Variants in ENPP2 observed in about 807,000 individuals in gnomAD.
ENPP2 encodes ectonucleotide pyrophosphatase/phosphodiesterase 2.
A neutral mutation model predicts 120.2 loss-of-function variants in ENPP2; 51 were observed. The observed-to-expected ratio is 0.42, with a 90% CI of 0.34 to 0.54. ENPP2 has a LOEUF of 0.54. Among genes scored for constraint, ENPP2 ranks in the 20% least tolerant of loss-of-function variants. The pLI is 0.04. For missense variants in ENPP2, 920 were observed against 1,066.5 expected, an observed-to-expected ratio of 0.86 and a Z score of 1.91; for synonymous variants, 365 against 366.4, an observed-to-expected ratio of 1.00 and a Z score of 0.04.
intron 1 of ENPP2, among the ~76,000 whole-genome samples, chr8:119,654,535 G>A (rs927407002): frequency 1.0e-4 from 15 of 149,088 alleles, no homozygotes; most frequent in African/African-American, 3.4e-4. Flanking sequence ...GTGAGAGAGA[G>A]GGTCTTGCTA....
Position 119,597,111 on chromosome 8 carries a change from C to G in ENPP2, c.973-3251G>C, listed in dbSNP as rs145889334. Among the ~76,000 whole-genome samples, 4 of 152,236 alleles carry G rather than the reference C, an allele frequency of 2.6e-5. No individual in the cohort carries two copies. In the East Asian group the frequency reaches 7.7e-4, roughly 29 times the overall value. On this transcript the variant is annotated intron_variant, in intron 11 of 24. Coordinates refer to ENST00000075322, the MANE Select transcript of ENPP2 (RefSeq NM_001040092.3). ...CCATGCGATTTCACTGTTTCCAGGG[C>G]AAGCCATGGCAAAGGCACTTCTGTT...
In ENPP2 at chr8:119,582,620, A is replaced by G; in HGVS notation, c.1544-18T>C. On this transcript the variant is annotated intron_variant, in intron 17 of 24. Coordinates refer to ENST00000075322, the MANE Select transcript of ENPP2 (RefSeq NM_001040092.3). ...CAGGAGATCTAATGAAAATTAAGAA[A>G]AGGAGGCAGGTGCTTCTTATATTTT... 1 of 1,574,034 alleles carries G rather than the reference A, an allele frequency of 6.4e-7. No individual in the cohort carries two copies. The highest frequency in any genetic ancestry group is 1.1e-5 in the South Asian group (1 of 89,642).
At chr8:119,634,944 A>T (rs1816908789) in intron 2 of ENPP2, among the ~76,000 whole-genome samples, 1 of 152,168 alleles carries the variant, frequency 6.6e-6, no homozygotes. Flanking sequence ...TCCAGTTCAG[A>T]TAATTTCATT....
At chr8:119,634,185 AAAAT>A (rs747645273) in intron 2 of ENPP2, among the ~76,000 whole-genome samples, 3 of 130,508 alleles carry the variant, frequency 2.3e-5, no homozygotes, top group African/African-American at 8.5e-5. Context: ...TCTCTCTCAA[AAAAT>A]AAATACATAC....
chr8:119,569,431 A>G, intron 20 of ENPP2, 61 bp from the exon 21 acceptor site: 1 of 1,549,778 alleles, frequency 6.5e-7, no homozygotes, highest in African/African-American at 1.4e-5. Flanking sequence ...GCTGAAATCA[A>G]AACCCCTCTG....
In ENPP2 at chr8:119,617,556, G is replaced by C. The variant is rs767465276; in HGVS notation, c.487C>G (p.Arg163Gly). The stretch of plus-strand genomic sequence containing the variant: ...ACGGAGAAGATGATTAATGGAGGGC[G>C]AACAAACCTTAAACAGTAACACATT... ...KAAECPAGFV[R>G]PPLIIFSVDG... is the part of the protein sequence containing the mutation. The change falls in exon 6 of 25, where the codon CGC becomes GGC. Residue 163 changes from arginine to glycine, a missense_variant. Physicochemically the swap from Arg to Gly is moderately radical, Grantham distance 125. Coordinates refer to ENST00000075322, the MANE Select transcript of ENPP2 (RefSeq NM_001040092.3). The C allele has an allele frequency of 6.2e-7, 1 of 1,610,058 alleles. No individual in the cohort carries two copies. Among genetic ancestry groups the C allele is most frequent in the Non-Finnish European group, 8.5e-7 (1 of 1,176,714 alleles).
In ENPP2 at chr8:119,570,800, T is replaced by C. The variant is rs1406380029; in HGVS notation, c.1822A>G (p.Thr608Ala). The change falls in exon 20 of 25, where the codon ACT becomes GCT. Residue 608 changes from threonine to alanine, a missense_variant. Physicochemically the swap from Thr to Ala is moderately conservative, Grantham distance 58. Transcript: ENST00000075322. The part of the protein sequence containing the change: ...LYGRPAVLYR[T>A]RYDILYHTDF... ...GTGTGATATAAGATATCATATCTAGTCCGATAAAGCACTGCAGGTCGCCCA... is the reference window on the plus strand; with the variant it reads ...GTGTGATATAAGATATCATATCTAGCCCGATAAAGCACTGCAGGTCGCCCA... The C allele has an allele frequency of 5.0e-6, 8 of 1,587,192 alleles. No homozygotes were observed. Among genetic ancestry groups the C allele is most frequent in the African/African-American group, 1.4e-5 (1 of 73,636 alleles).
chr8:119,638,277 C>T, intron 2 of ENPP2, 148 bp downstream of exon 2: 1 of 574,508 alleles, frequency 1.7e-6, no homozygotes, highest in South Asian at 2.5e-5. Context: ...GAATTATACA[C>T]ATAGGTGGTT....
chr8:119,589,532 G>T (rs1456091019), intron 13 of ENPP2, among the ~76,000 whole-genome samples: 1 of 152,008 alleles, frequency 6.6e-6, no homozygotes, highest in African/African-American at 2.4e-5. Flanking sequence ...CTAAAATCGA[G>T]GGGTGCCATA....
At chr8:119,653,465 A>G (rs1817680950) in intron 1 of ENPP2, among the ~76,000 whole-genome samples, 1 of 152,212 alleles carries the variant, frequency 6.6e-6, no homozygotes, top group African/African-American at 2.4e-5. Flanking sequence ...CAAAGGGATG[A>G]CATATGAACA....
intron 1 of ENPP2, among the ~76,000 whole-genome samples, chr8:119,658,958 G>T (rs1387084803): frequency 6.6e-6 from 1 of 152,182 alleles, no homozygotes; most frequent in African/African-American, 2.4e-5. Context: ...TTTATTCTCT[G>T]TCAGTGGCAG....
intron 18 of ENPP2, among the ~76,000 whole-genome samples, chr8:119,582,035 A>G (rs1442345481): frequency 6.6e-6 from 1 of 152,102 alleles, no homozygotes; most frequent in Non-Finnish European, 1.5e-5. Context: ...ACCTGGCCTA[A>G]ACTCTCTTTC....
At chr8:119,575,399 A>C (rs575904018) in intron 19 of ENPP2, among the ~76,000 whole-genome samples, 1 of 152,220 alleles carries the variant, frequency 6.6e-6, no homozygotes, top group African/African-American at 2.4e-5. Flanking sequence ...GAAGCTAATG[A>C]GGACAGTAGT....
intron 18 of ENPP2, among the ~76,000 whole-genome samples, chr8:119,581,917 G>C (rs1372802300): frequency 6.6e-6 from 1 of 151,784 alleles, no homozygotes; most frequent in Non-Finnish European, 1.5e-5. Context: ...GTTTTTAGTA[G>C]AGACAGGGTT....
chr8:119,567,689 T>C (rs1027365500), intron 22 of ENPP2, among the ~76,000 whole-genome samples: 2 of 152,218 alleles, frequency 1.3e-5, no homozygotes, highest in Non-Finnish European at 2.9e-5. Flanking sequence ...GAAAATGTTA[T>C]CACCCCAAGA....
At chr8:119,613,730 A>C (rs1815267270) in intron 8 of ENPP2, among the ~76,000 whole-genome samples, 2 of 151,982 alleles carry the variant, frequency 1.3e-5, no homozygotes, top group Non-Finnish European at 2.9e-5. Flanking sequence ...TTTCTTTTTA[A>C]TTACTTTTTA....
intron 4 of ENPP2, 23 bp downstream of exon 4, chr8:119,621,371 G>A (rs1251614450): frequency 6.2e-7 from 1 of 1,610,590 alleles, no homozygotes; most frequent in Non-Finnish European, 8.5e-7. Context: ...TTAAAGCTCA[G>A]GCCAATCCAA....
chr8:119,668,974 A>G (rs937227110), intron 1 of ENPP2, among the ~76,000 whole-genome samples: 3 of 152,210 alleles, frequency 2.0e-5, no homozygotes, highest in African/African-American at 7.2e-5. Context: ...GGATCCATGC[A>G]TAAGACTTTT....
chr8:119,647,821 A>G (rs1423083690), intron 1 of ENPP2, among the ~76,000 whole-genome samples: 2 of 152,158 alleles, frequency 1.3e-5, no homozygotes, highest in African/African-American at 4.8e-5. Context: ...CCTGGCCAAC[A>G]TGGCAAAATC....
Sources: allele counts gnomAD v4.1 joint callset (sites outside exome capture counted in the v4.1 genomes callset), GRCh38; gene constraint gnomAD v4.1.1; transcripts MANE v1.5; gene names NCBI Gene and HGNC (gene_info 2026-07-23, HGNC 2026-07-21).